Variants in ACSL6 observed in about 807,000 individuals in gnomAD.
ACSL6 encodes long-chain-fatty-acid--CoA ligase 6.
Under a neutral mutation model 98.2 loss-of-function variants are expected in ACSL6, and 47 were observed. That is an observed-to-expected ratio of 0.48 (90% confidence interval 0.38 to 0.61). The LOEUF (loss-of-function observed/expected upper bound fraction) is 0.61, where lower values mean the gene tolerates loss of function less well. Ranked by LOEUF, ACSL6 falls within the 20% of genes least tolerant of loss-of-function variation. ACSL6 has a pLI of 0.00. For synonymous variants in ACSL6, 362 were observed against 336.9 expected (o/e 1.07, Z -0.82); for missense variants, 761 against 913.4 (o/e 0.83, Z 2.15).
intron 3 of ACSL6, among the ~76,000 whole-genome samples, chr5:131,990,632 G>A (rs1754452441): frequency 6.6e-6 from 1 of 152,184 alleles, no homozygotes; most frequent in Admixed American, 6.5e-5. Context: ...CTAAGGTCAA[G>A]CTGCCCCAAG....
At chr5:132,002,041 A>T (rs145515598) in intron 1 of ACSL6, among the ~76,000 whole-genome samples, 105 of 152,348 alleles carry the variant, frequency 6.9e-4, no homozygotes, top group South Asian at 1.7e-3. Flanking sequence ...AAAAAACAGC[A>T]GTAGTCCCTT....
At chr5:132,003,725 G>A (rs1233433232) in intron 1 of ACSL6, 1 of 152,178 alleles carries the variant, frequency 6.6e-6, no homozygotes, top group Non-Finnish European at 1.5e-5. Context: ...CCAATCACTG[G>A]GGCTCTCACT....
chr5:131,973,171 G>A, intron 12 of ACSL6, 95 bp downstream of exon 12: 1 of 1,480,074 alleles, frequency 6.8e-7, no homozygotes. Context: ...ACTTGGCAGT[G>A]GAGGCACTGA....
rs1180259838 is a variant in ACSL6 at position 131,997,564 on chromosome 5, C to G, written c.50-3313G>C. 2.0e-5 allele frequency among the ~76,000 whole-genome samples: 3 copies of G among 152,202 alleles called. 1 individual carries two copies. The highest frequency in any genetic ancestry group is 4.4e-5 in the Non-Finnish European group (3 of 68,032). ...CCAGAGCCTGTATGAGGGGACCAGC[C>G]AGTTGGGCCAGTCATTTGCTATCTT... On this transcript the variant is annotated intron_variant, in intron 1 of 20. Transcript: ENST00000651883.
chr5:132,011,403 G>T lies in ACSL6; in HGVS notation c.49+102C>A. 1 of 1,270,786 alleles carries T rather than the reference G, an allele frequency of 7.9e-7. No individual in the cohort carries two copies. The highest frequency in any genetic ancestry group is 1.1e-6 in the Non-Finnish European group (1 of 880,810). 78.7% of individuals were successfully genotyped at this position (1,270,786 alleles called of 1,614,324 possible). A position where few individuals can be genotyped will look rare whatever the true frequency, so the allele number is the denominator to read the frequency against. On this transcript the variant is annotated intron_variant, in intron 1 of 20. Transcript: ENST00000651883. The surrounding 1 kb of genome is among the most constrained non-coding windows in gnomAD (Gnocchi z 5.4). ...ACGGGACAGCTCAGCAGCAGGGGAT[G>T]GGGGCTCGGCGGCCGCGGAGATGTA...
intron 15 of ACSL6, 66 bp from the exon 16 acceptor site, chr5:131,968,094 A>G: frequency 2.1e-6 from 3 of 1,438,364 alleles, no homozygotes; most frequent in Admixed American, 1.8e-5. Flanking sequence ...AAGATGTTCC[A>G]AGCCCCTTAA....
In ACSL6 at chr5:132,011,461, T is replaced by C. The variant is rs761992825; in HGVS notation, c.49+44A>G. ...CACCTCGGGCGAAGACCTCATAGCC[T>C]GCGGGAGATGGGAGTCCGGGACGCG... On this transcript the variant is annotated intron_variant, in intron 1 of 20. Coordinates refer to ENST00000651883, the MANE Select transcript of ACSL6 (RefSeq NM_001009185.3). The surrounding 1 kb of genome is among the most constrained non-coding windows in gnomAD (Gnocchi z 5.4). 7 of 1,594,448 alleles carry C rather than the reference T, an allele frequency of 4.4e-6. No individual in the cohort carries two copies. The South Asian group carries it at 7.7e-5, about 18-fold the overall frequency.
Position 131,967,922 on chromosome 5 carries a change from G to A in ACSL6, c.1596+18C>T. The A allele has an allele frequency of 1.2e-6, 2 of 1,610,394 alleles. No homozygotes were observed. Among genetic ancestry groups the A allele is most frequent in the Non-Finnish European group, 1.7e-6 (2 of 1,176,926 alleles). On this transcript the variant is annotated intron_variant, in intron 16 of 20. Transcript: ENST00000651883. ...ACATGTAGCAGCCACAGGCATGAAT[G>A]GCTAAATCCTTGTTTACCTCTCCCT...
At chr5:132,006,539 G>A (rs542316324) in intron 1 of ACSL6, 18 of 152,424 alleles carry the variant, frequency 1.2e-4, no homozygotes, top group African/African-American at 4.1e-4. Flanking sequence ...GAACTCTGGC[G>A]AGGCCAACGC....
chr5:131,976,739 G>A lies in ACSL6; in HGVS notation c.917-18C>T. ...TGGGTTCCCTATAAAAAGAAAGCAAGAAGTCAAATTAGTTGGAAACTCAAG... is the reference window on the plus strand; with the variant it reads ...TGGGTTCCCTATAAAAAGAAAGCAAAAAGTCAAATTAGTTGGAAACTCAAG... On this transcript the variant is annotated intron_variant, in intron 9 of 20. Transcript: ENST00000651883. 3 of 1,612,952 alleles carry A rather than the reference G, an allele frequency of 1.9e-6. No homozygotes were observed. Among genetic ancestry groups the A allele is most frequent in the Non-Finnish European group, 2.5e-6 (3 of 1,178,974 alleles).
intron 9 of ACSL6, chr5:131,983,038 T>C (rs745778056): frequency 1.3e-5 from 2 of 152,210 alleles, no homozygotes; most frequent in Non-Finnish European, 2.9e-5. Context: ...TAAAAACACA[T>C]AGACTGAAAG....
At chr5:131,989,290 A>G in intron 5 of ACSL6, 117 bp downstream of exon 5, 1 of 1,004,948 alleles carries the variant, frequency 1.0e-6, no homozygotes, top group Non-Finnish European at 1.5e-6. Context: ...GCATAGCCCA[A>G]GGGTCTCTGT....
rs368183797 is a variant in ACSL6 at position 131,964,050 on chromosome 5, G to A, written c.1714-1372C>T. On this transcript the variant is annotated intron_variant, in intron 17 of 20. Coordinates refer to ENST00000651883, the MANE Select transcript of ACSL6 (RefSeq NM_001009185.3). ...CTATTTAACATGATTTCAAAATAAC[G>A]TTTTTAAAAGCACAAATGTCTTTAT... is the stretch of plus-strand genomic sequence containing the variant. Among the ~76,000 whole-genome samples, 7 of 152,210 alleles carry A rather than the reference G, an allele frequency of 4.6e-5. No homozygotes were observed. The East Asian group carries it at 9.6e-4, about 21-fold the overall frequency.
Position 131,954,519 on chromosome 5 carries a change from C to T in ACSL6, c.2032-148G>A, listed in dbSNP as rs898358668. ...CAAAATTATGTTGAGAACATTTCAG[C>T]CTATTTTACGTATCTAAAAGCCAAC... On this transcript the variant is annotated intron_variant, in intron 20 of 20. Coordinates refer to ENST00000651883, the MANE Select transcript of ACSL6 (RefSeq NM_001009185.3). The T allele has an allele frequency of 3.2e-6, 3 of 945,928 alleles. No individual in the cohort carries two copies. In the African/African-American group the frequency reaches 5.2e-5, roughly 16 times the overall value. 58.6% of individuals were successfully genotyped at this position (945,928 alleles called of 1,614,324 possible).
At chr5:131,966,564 C>T (rs747424844) in intron 16 of ACSL6, 32 bp from the exon 17 acceptor site, 1 of 1,590,450 alleles carries the variant, frequency 6.3e-7, no homozygotes, top group Non-Finnish European at 8.6e-7. Flanking sequence ...TTCTCTCAGC[C>T]ACATCATGAG....
chr5:131,975,398 T>TGCC, intron 10 of ACSL6: 1 of 985,400 alleles, frequency 1.0e-6, no homozygotes, highest in Non-Finnish European at 1.2e-6. Context: ...CTGCAGGACC[T>TGCC]GCCCCACACC....
At chr5:131,988,381 A>C (rs973069272) in intron 6 of ACSL6, among the ~76,000 whole-genome samples, 155 bp from the exon 7 acceptor site, 2 of 152,130 alleles carry the variant, frequency 1.3e-5, no homozygotes, top group African/African-American at 4.8e-5. Context: ...TCGTGTACAG[A>C]GGAATTTGCC....
At chr5:132,008,969 G>A (rs1037043702) in intron 1 of ACSL6, among the ~76,000 whole-genome samples, 1 of 152,192 alleles carries the variant, frequency 6.6e-6, no homozygotes, top group Non-Finnish European at 1.5e-5. Context: ...TTGTCCTCTA[G>A]GTGTTTATGG....
Position 132,011,420 on chromosome 5 carries a change from G to A in ACSL6, c.49+85C>T, listed in dbSNP as rs1755721811. ...CAGGGGATGGGGGCTCGGCGGCCGCGGAGATGTAACACCTCCACCTCGGGC... is the reference window on the plus strand; with the variant it reads ...CAGGGGATGGGGGCTCGGCGGCCGCAGAGATGTAACACCTCCACCTCGGGC... On this transcript the variant is annotated intron_variant, in intron 1 of 20. Transcript: ENST00000651883. The surrounding 1 kb of genome is among the most constrained non-coding windows in gnomAD (Gnocchi z 5.4). The A allele has an allele frequency of 6.9e-7, 1 of 1,444,604 alleles. No homozygotes were observed. The highest frequency in any genetic ancestry group is 9.7e-7 in the Non-Finnish European group (1 of 1,032,724). The allele number at this position is 1,444,604 out of a possible 1,614,324, so 89.5% of individuals were successfully genotyped here.
Sources: gnomAD v4.1 joint callset for allele counts (sites outside exome capture counted in the v4.1 genomes callset) on GRCh38, gnomAD v4.1.1 for gene constraint, Gnocchi (gnomAD v3.1) non-coding constraint, MANE v1.5 for transcripts, NCBI Gene and HGNC (gene_info 2026-07-23, HGNC 2026-07-21) for gene names.